GAREM2: variants seen among roughly 807,000 people sequenced by gnomAD.
The protein encoded by GAREM2 is GRB2-associated and regulator of MAPK protein 2.
Under a neutral mutation model 55.6 loss-of-function variants are expected in GAREM2, and 30 were observed. The ratio of observed to expected loss-of-function variants is 0.54; its 90% CI spans 0.40 to 0.73. The LOEUF (loss-of-function observed/expected upper bound fraction) is 0.73. GAREM2 is among the 30% of genes least tolerant of loss of function. The probability of loss-of-function intolerance (pLI) is 0.00; values close to 1 mark genes in which losing one functional copy is unlikely to be tolerated. For missense variants in GAREM2, 1,075 were observed against 1,257.7 expected (o/e 0.85, Z 2.20); for synonymous variants, 550 against 569.1 (o/e 0.97, Z 0.48).
the GAREM2 span, chr2:26,204,137 T>A: frequency 6.2e-7 from 1 of 1,613,612 alleles, no homozygotes; most frequent in Non-Finnish European, 8.5e-7. Flanking sequence ...TAGCCCCTTA[T>A]CCACGGAGAC....
chr2:26,186,166 G>T, intron 4 of GAREM2, 23 bp from the exon 5 acceptor site: 1 of 1,473,512 alleles, frequency 6.8e-7, no homozygotes, highest in Non-Finnish European at 9.0e-7. Context: ...AGTCGAGGTG[G>T]AGTCACCGCC....
chr2:26,184,640 G>C lies in GAREM2; in HGVS notation c.792G>C (p.Pro264=). The change falls in exon 4 of 6, where the codon CCG becomes CCC. Residue 264 remains proline (P), a synonymous_variant. Transcript: ENST00000401533. ...CCATCATCGAGCGCGTGAGGCTGCC[G>C]GTGAACGTGCTGGTGCCCAGCCGGC... ...VRAIIERVRL[P]VNVLVPSRPP... 2 of 1,546,668 alleles carry C rather than the reference G, an allele frequency of 1.3e-6. No homozygotes were observed. The highest frequency in any genetic ancestry group is 1.7e-6 in the Non-Finnish European group (2 of 1,145,366).
At chr2:26,191,556 C>T (rs2147749350), downstream of GAREM2, 2 of 1,614,192 alleles carry the variant, frequency 1.2e-6, no homozygotes, top group Non-Finnish European at 8.5e-7. Context: ...CCAAGATCCC[C>T]TCTTGCAGGC....
At position 26,188,698 on chromosome 2, in the gene GAREM2, T is replaced by C. The variant is rs572049017; in HGVS notation, c.*441T>C. 3.6e-4 allele frequency: 56 copies of C among 155,784 alleles called. No homozygotes were observed. Among genetic ancestry groups the C allele is most frequent in the African/African-American group, 1.3e-3 (53 of 41,734 alleles). The allele number at this position is 155,784 out of a possible 1,614,324, so 9.7% of individuals were successfully genotyped here. Reference sequence around the variant, plus strand: ...CGATTTCCCAAGTGCCCACTCTCCTTTGTGCTCTGTTGGCTTTTGGCCTAA... The same window carrying C: ...CGATTTCCCAAGTGCCCACTCTCCTCTGTGCTCTGTTGGCTTTTGGCCTAA... On this transcript the variant is annotated 3_prime_UTR_variant, in exon 6 of 6. Coordinates refer to ENST00000401533, the MANE Select transcript of GAREM2 (RefSeq NM_001168241.2).
rs775325747 is a variant in GAREM2 at position 26,184,316 on chromosome 2, G to C, written c.468G>C (p.Gln156His). The C allele has an allele frequency of 5.2e-6, 8 of 1,550,924 alleles. No individual in the cohort carries two copies. The South Asian group carries it at 9.5e-5, about 18-fold the overall frequency. ...HAGDELTLMG[Q>H]AEILCAKTTK... ...GCGACGAGCTCACTCTTATGGGCCA[G>C]GCGGAGATCCTGTGCGCCAAGACCA... The change falls in exon 4 of 6, where the codon CAG (glutamine) becomes CAC (histidine). Residue 156 changes from glutamine (Q) to histidine (H), a missense_variant. Gln to His is a conservative substitution (Grantham distance 24). This residue lies in a region of GAREM2 where 230 missense variants were observed against 310.6 expected (regional missense o/e 0.74). Coordinates refer to ENST00000401533, the MANE Select transcript of GAREM2 (RefSeq NM_001168241.2).
chr2:26,181,970 CT>C, intron 2 of GAREM2: 4 of 987,990 alleles, frequency 4.0e-6, no homozygotes, highest in Non-Finnish European at 4.8e-6. Flanking sequence ...CAGCAAGACC[CT>C]GTCTCAAAAA....
At chr2:26,185,332 T>A in intron 4 of GAREM2, 56 bp downstream of exon 4, 2 of 1,441,822 alleles carry the variant, frequency 1.4e-6, no homozygotes, top group Middle Eastern at 2.5e-4. Context: ...CAAAGCCCGT[T>A]CTCCTGGGCC....
the GAREM2 span, among the ~76,000 whole-genome samples, chr2:26,201,572 C>T: frequency 1.3e-5 from 2 of 152,130 alleles, no homozygotes; most frequent in East Asian, 3.9e-4. Context: ...CATAGAATGC[C>T]TCCAAATGCC....
downstream of GAREM2, chr2:26,192,422 G>A (rs756007713): frequency 5.9e-6 from 9 of 1,514,806 alleles, no homozygotes; most frequent in African/African-American, 1.4e-5. Flanking sequence ...CCAGATTTAC[G>A]ACCTAAAACA....
At chr2:26,185,977 A>G (rs1381017857) in intron 4 of GAREM2, among the ~76,000 whole-genome samples, 1 of 152,098 alleles carries the variant, frequency 6.6e-6, no homozygotes, top group African/African-American at 2.4e-5. Context: ...AGGCTGTGGG[A>G]CAGGGTGTGG....
rs1218264929 is a variant in GAREM2, at chr2:26,187,280, C to T, written c.1648C>T (p.Leu550Phe). The T allele has an allele frequency of 1.4e-6, 2 of 1,476,868 alleles. No homozygotes were observed. Among genetic ancestry groups the T allele is most frequent in the South Asian group, 1.4e-5 (1 of 72,204 alleles). 91.5% of individuals were successfully genotyped at this position (1,476,868 alleles called of 1,614,324 possible). A position where few individuals can be genotyped will look rare whatever the true frequency, so the allele number is the denominator to read the frequency against. The stretch of plus-strand genomic sequence containing the variant: ...CTCCCCATCGCCGGACACCTACTCC[C>T]TCTATTGCTACCCATGCACCTGGGG... ...SGSPSPDTYS[L>F]YCYPCTWGDC... The change falls in exon 6 of 6, where the codon CTC (leucine) becomes TTC (phenylalanine). Residue 550 changes from leucine to phenylalanine, a missense_variant. Physicochemically the swap from Leu to Phe is conservative, Grantham distance 22. Around this residue, in one of 6 missense-constraint regions of GAREM2, gnomAD observed 515 missense variants for 501.5 expected, o/e 1.03. Coordinates refer to ENST00000401533, the MANE Select transcript of GAREM2 (RefSeq NM_001168241.2).
rs185450095 is a variant in GAREM2 at position 26,176,332 on chromosome 2, C to T, written c.113-12C>T. ...CCTTCCCCTCATCCTCTGTCCTCCT[C>T]CCCCTTCCCAGGGGAGTACGCCGAG... On this transcript the variant is annotated splice_polypyrimidine_tract_variant and intron_variant, in intron 1 of 5. Coordinates refer to ENST00000401533, the MANE Select transcript of GAREM2 (RefSeq NM_001168241.2). 5.3e-6 allele frequency: 8 copies of T among 1,523,284 alleles called. No homozygotes were observed. Among genetic ancestry groups the T allele is most frequent in the East Asian group, 2.5e-5 (1 of 39,600 alleles). The allele number at this position is 1,523,284 out of a possible 1,614,324, so 94.4% of individuals were successfully genotyped here.
chr2:26,192,807 TC>T (rs1437843620), downstream of GAREM2, among the ~76,000 whole-genome samples: 3 of 152,116 alleles, frequency 2.0e-5, no homozygotes, highest in African/African-American at 7.2e-5. Context: ...ATTATAAAGC[TC>T]TGGCCTCTTC....
chr2:26,173,527 G>A (rs1291249998), intron 1 of GAREM2, among the ~76,000 whole-genome samples, 195 bp downstream of exon 1: 1 of 151,864 alleles, frequency 6.6e-6, no homozygotes, highest in Admixed American at 6.5e-5. Flanking sequence ...TGGGCCCCGC[G>A]GACAAGCACA....
chr2:26,183,265 A>G (rs1402585697), intron 3 of GAREM2, among the ~76,000 whole-genome samples, 168 bp downstream of exon 3: 1 of 152,226 alleles, frequency 6.6e-6, no homozygotes, highest in East Asian at 1.9e-4. Flanking sequence ...GGTGGGGAAT[A>G]GGACCCACTG....
At chr2:26,196,101 C>T in the GAREM2 span, among the ~76,000 whole-genome samples, 1 of 152,164 alleles carries the variant, frequency 6.6e-6, no homozygotes, top group Non-Finnish European at 1.5e-5. Flanking sequence ...CCACTTATTC[C>T]TTACATTTAA....
chr2:26,182,515 C>T (rs1669084731), intron 2 of GAREM2: 1 of 1,542,704 alleles, frequency 6.5e-7, no homozygotes, highest in South Asian at 1.2e-5. Flanking sequence ...GATCATCTGT[C>T]CCTACCCCCT....
At chr2:26,193,815 C>A, downstream of GAREM2, 1 of 1,495,182 alleles carries the variant, frequency 6.7e-7, no homozygotes, top group South Asian at 1.1e-5. Context: ...AAGGGCAGCC[C>A]AAATCCCCCC....
the GAREM2 span, chr2:26,201,073 T>C: frequency 9.2e-7 from 1 of 1,086,258 alleles, no homozygotes; most frequent in Non-Finnish European, 1.4e-6. Context: ...GAGTTTCCTA[T>C]AGCTCCTTTA....
Sources: allele counts gnomAD v4.1 joint callset (sites outside exome capture counted in the v4.1 genomes callset), GRCh38; gene constraint gnomAD v4.1.1; regional missense constraint gnomAD v4.1.1; transcripts MANE v1.5; gene names NCBI Gene and HGNC (gene_info 2026-07-23, HGNC 2026-07-21).